Variants in PACRG observed in about 807,000 individuals in gnomAD.
PACRG encodes the protein parkin coregulated gene protein.
In PACRG, 29 loss-of-function variants were observed where a neutral mutation model predicts 29.7. The observed-to-expected ratio is 0.98, with a 90% CI of 0.73 to 1.33. PACRG has a LOEUF of 1.33. PACRG is among the 40% of genes most tolerant of loss of function. The pLI, the probability that PACRG is intolerant of heterozygous loss-of-function variation, is 0.00. For synonymous variants in PACRG, 116 were observed against 118.7 expected (o/e 0.98, Z 0.15); for missense variants, 279 against 316.2 (o/e 0.88, Z 0.89).
At chr6:163,211,292 G>A (rs1415635318) in intron 4 of PACRG, among the ~76,000 whole-genome samples, 2 of 152,062 alleles carry the variant, frequency 1.3e-5, no homozygotes, top group African/African-American at 4.8e-5. Flanking sequence ...TCCATCATTG[G>A]TTTAATGAAA....
intron 4 of PACRG, among the ~76,000 whole-genome samples, chr6:163,224,105 A>C (rs1020773134): frequency 2.0e-5 from 3 of 152,108 alleles, no homozygotes; most frequent in African/African-American, 7.2e-5. Context: ...GTGGTGGCTC[A>C]TGCCTGTAAT....
intron 2 of PACRG, among the ~76,000 whole-genome samples, chr6:162,947,657 G>C (rs1450530377): frequency 1.6e-5 from 1 of 61,644 alleles, no homozygotes; most frequent in Non-Finnish European, 3.0e-5. Flanking sequence ...TACACCCAAA[G>C]ATTCCACCAA....
intron 2 of PACRG, among the ~76,000 whole-genome samples, chr6:162,975,677 C>T (rs1801889256): frequency 1.3e-5 from 2 of 152,012 alleles, no homozygotes; most frequent in African/African-American, 2.4e-5. Flanking sequence ...TATATCTATT[C>T]GAAATTAGTT....
Position 163,079,921 on chromosome 6 carries a change from G to A in PACRG, c.464-9338G>A, listed in dbSNP as rs531581247. On this transcript the variant is annotated intron_variant, in intron 3 of 4. Coordinates refer to ENST00000366888, the MANE Select transcript of PACRG (RefSeq NM_001080379.2). ...TTTTTTTTTTTTTTTTTTTTGAGATGGAGTCTCACTCTGTCGCCCAGGCTG... is the reference window on the plus strand; with the variant it reads ...TTTTTTTTTTTTTTTTTTTTGAGATAGAGTCTCACTCTGTCGCCCAGGCTG... Among the ~76,000 whole-genome samples, 17 of 100,382 alleles carry A rather than the reference G, an allele frequency of 1.7e-4. 1 individual carries two copies. In the South Asian group the frequency reaches 6.1e-3, roughly 36 times the overall value. 65.9% of individuals were successfully genotyped at this position (100,382 alleles called of 152,430 possible). A position where few individuals can be genotyped will look rare whatever the true frequency, so the allele number is the denominator to read the frequency against.
At chr6:162,905,812 G>A (rs917157212) in intron 2 of PACRG, among the ~76,000 whole-genome samples, 2 of 152,160 alleles carry the variant, frequency 1.3e-5, no homozygotes, top group African/African-American at 4.8e-5. Context: ...GTATGAGTAA[G>A]GCATGTATCT....
chr6:163,020,536 C>T (rs771910027), intron 2 of PACRG, among the ~76,000 whole-genome samples: 7 of 152,062 alleles, frequency 4.6e-5, no homozygotes, highest in Non-Finnish European at 5.9e-5. Flanking sequence ...GAAAGGGACC[C>T]AGACCGGTTT....
At chr6:163,104,107 C>G (rs1466745228) in intron 4 of PACRG, among the ~76,000 whole-genome samples, 1 of 152,200 alleles carries the variant, frequency 6.6e-6, no homozygotes, top group Non-Finnish European at 1.5e-5. Context: ...ATCAAAGTAG[C>G]TGTTGCTGAT....
At chr6:163,259,550 C>G (rs1585378344) in intron 4 of PACRG, among the ~76,000 whole-genome samples, 1 of 152,180 alleles carries the variant, frequency 6.6e-6, no homozygotes, top group East Asian at 1.9e-4. Flanking sequence ...GAAGACAGCT[C>G]CGAATTCTTC....
chr6:163,277,541 G>GTA (rs1310102818), intron 4 of PACRG, among the ~76,000 whole-genome samples: 1 of 146,520 alleles, frequency 6.8e-6, no homozygotes, highest in Non-Finnish European at 1.5e-5. Context: ...ACATATATGT[G>GTA]TATATATGTG....
At chr6:162,797,133 C>G (rs1291334846) in intron 1 of PACRG, among the ~76,000 whole-genome samples, 1 of 152,024 alleles carries the variant, frequency 6.6e-6, no homozygotes, top group African/African-American at 2.4e-5. Context: ...AAAAATTAAC[C>G]AGGTGTGGCA....
At chr6:162,961,423 CAT>C (rs1402985638) in intron 2 of PACRG, among the ~76,000 whole-genome samples, 1 of 152,224 alleles carries the variant, frequency 6.6e-6, no homozygotes, top group African/African-American at 2.4e-5. Flanking sequence ...TTTCTACTAT[CAT>C]GTGTCTATCT....
intron 2 of PACRG, among the ~76,000 whole-genome samples, chr6:162,893,565 G>A (rs532901556): frequency 2.2e-4 from 31 of 142,898 alleles, no homozygotes; most frequent in Middle Eastern, 4.0e-3. Flanking sequence ...GGCACCACGC[G>A]TGCCCCAGAT....
intron 2 of PACRG, among the ~76,000 whole-genome samples, chr6:162,867,080 T>C (rs932617827): frequency 6.6e-6 from 1 of 151,992 alleles, no homozygotes; most frequent in African/African-American, 2.4e-5. Flanking sequence ...GGGCAATAGG[T>C]CTCCACTCCT....
At chr6:162,751,831 A>G (rs1468738197) in intron 1 of PACRG, among the ~76,000 whole-genome samples, 1 of 152,120 alleles carries the variant, frequency 6.6e-6, no homozygotes, top group Non-Finnish European at 1.5e-5. Context: ...TGAACAATAC[A>G]TTGATAACAT....
At chr6:163,312,786 C>T in intron 4 of PACRG, 1 of 440,500 alleles carries the variant, frequency 2.3e-6, no homozygotes, top group South Asian at 1.6e-5. Flanking sequence ...CAGGGTCTTA[C>T]TCTTTGCCCA....
chr6:163,096,735 G>A (rs1296532400), intron 4 of PACRG, among the ~76,000 whole-genome samples: 6 of 152,170 alleles, frequency 3.9e-5, no homozygotes, highest in East Asian at 1.9e-4. Context: ...TGAAACTAGC[G>A]TGTTAGGTAA....
At chr6:162,796,269 C>G (rs1436344535) in intron 1 of PACRG, among the ~76,000 whole-genome samples, 1 of 152,072 alleles carries the variant, frequency 6.6e-6, no homozygotes, top group Non-Finnish European at 1.5e-5. Flanking sequence ...CTCTCTGGGT[C>G]ACTTTGTTTT....
chr6:162,779,082 C>T (rs1783884856), intron 1 of PACRG, among the ~76,000 whole-genome samples: 1 of 152,152 alleles, frequency 6.6e-6, no homozygotes, highest in South Asian at 2.1e-4. Context: ...CCCCATGTGT[C>T]CATGTGTTCT....
intron 1 of PACRG, among the ~76,000 whole-genome samples, chr6:162,750,700 C>T (rs1781447065): frequency 6.6e-6 from 1 of 152,180 alleles, no homozygotes. Flanking sequence ...AATAAGACTA[C>T]TGCCACAACT....
Sources: allele counts gnomAD v4.1 joint callset (sites outside exome capture counted in the v4.1 genomes callset), GRCh38; gene constraint gnomAD v4.1.1; transcripts MANE v1.5; gene names NCBI Gene and HGNC (gene_info 2026-07-23, HGNC 2026-07-21).